The following DNAH9 variants were observed in gnomAD, a reference collection of about 807,000 sequenced individuals.
DNAH9 encodes dynein axonemal heavy chain 9, also known as DNAH9 variant protein.
DNAH9 carries 345 observed loss-of-function variants against 471.6 expected under a neutral mutation model. That is an observed-to-expected ratio of 0.73 (90% CI 0.67 to 0.80). The LOEUF is 0.80. DNAH9 is among the 30% of genes least tolerant of loss of function. The pLI, the probability that DNAH9 is intolerant of heterozygous loss-of-function variation, is 0.00. For missense variants in DNAH9, 5,407 were observed against 5,609.2 expected (o/e 0.96, Z 1.15); for synonymous variants, 2,093 against 2,123.6 (o/e 0.99, Z 0.40).
In DNAH9 at chr17:11,942,200, A is replaced by G. The variant is rs577086361; in HGVS notation, c.12661-103A>G. ...CCATGTCAGTGGGTGGAGGGGCAGC[A>G]GACGATGGGTGATTGGCATCTCTAG... On this transcript the variant is annotated intron_variant, in intron 66 of 68. Transcript: ENST00000262442. 11 of 1,462,212 alleles carry G rather than the reference A, an allele frequency of 7.5e-6. No individual in the cohort carries two copies. The African/African-American group carries it at 1.4e-4, about 19-fold the overall frequency. 90.6% of individuals were successfully genotyped at this position (1,462,212 alleles called of 1,614,324 possible).
intron 61 of DNAH9, among the ~76,000 whole-genome samples, chr17:11,912,334 T>A (rs1973818882): frequency 6.6e-6 from 1 of 152,226 alleles, no homozygotes; most frequent in African/African-American, 2.4e-5. Flanking sequence ...GGCTAGAATT[T>A]CCAGTACACT....
intron 52 of DNAH9, among the ~76,000 whole-genome samples, chr17:11,872,400 A>T (rs1972303456): frequency 1.5e-5 from 2 of 131,672 alleles, no homozygotes; most frequent in South Asian, 5.5e-4. Context: ...CTAAATGGAG[A>T]AATACTGGTT....
At chr17:11,916,652 C>T (rs1973968180) in intron 61 of DNAH9, among the ~76,000 whole-genome samples, 1 of 152,220 alleles carries the variant, frequency 6.6e-6, no homozygotes, top group South Asian at 2.1e-4. Flanking sequence ...GTGTATCACA[C>T]AGTTCACTGT....
At chr17:11,845,519 C>T (rs1332712764) in intron 49 of DNAH9, among the ~76,000 whole-genome samples, 3 of 149,996 alleles carry the variant, frequency 2.0e-5, no homozygotes, top group Admixed American at 6.6e-5. Flanking sequence ...GGCTATATAC[C>T]CAGTAATGGG....
chr17:11,798,373 C>T (rs149275283), intron 43 of DNAH9, among the ~76,000 whole-genome samples: 2,801 of 133,102 alleles, frequency 0.021, 82 homozygotes, highest in African/African-American at 0.074. Flanking sequence ...GCCCAGGTTG[C>T]AGTGGGCCAA....
At chr17:11,865,935 A>C (rs1488969416) in intron 50 of DNAH9, among the ~76,000 whole-genome samples, 3 of 152,072 alleles carry the variant, frequency 2.0e-5, no homozygotes, top group Non-Finnish European at 4.4e-5. Context: ...ATTTGTTTCA[A>C]AGTTTTTAAC....
intron 4 of DNAH9, 193 bp downstream of exon 4, chr17:11,611,973 T>C (rs2072648048): frequency 1.6e-6 from 1 of 630,660 alleles, no homozygotes; most frequent in Admixed American, 2.6e-5. Context: ...CTGTTTGCAG[T>C]TCCACTGCTG....
intron 26 of DNAH9, among the ~76,000 whole-genome samples, chr17:11,715,307 A>G (rs1016015809): frequency 6.6e-6 from 1 of 152,172 alleles, no homozygotes; most frequent in East Asian, 1.9e-4. Context: ...TAGTATCCTC[A>G]TAAGACCCTG....
At chr17:11,918,391 C>T (rs888166233) in intron 61 of DNAH9, among the ~76,000 whole-genome samples, 8 of 151,936 alleles carry the variant, frequency 5.3e-5, no homozygotes, top group African/African-American at 1.2e-4. Context: ...CCACTATGCC[C>T]GGCTAATTTT....
Position 11,874,895 on chromosome 17 carries a change from G to A in DNAH9, c.10243-54G>A, listed in dbSNP as rs1371031749. On this transcript the variant is annotated intron_variant, in intron 52 of 68. Coordinates refer to ENST00000262442, the MANE Select transcript of DNAH9 (RefSeq NM_001372.4). ...TTGGTGAGTAACTGCATTCATCCCA[G>A]CTGAGAATGTCTGCTTCTGTTCTGA... is the stretch of plus-strand genomic sequence containing the variant. The A allele has an allele frequency of 6.0e-6, 8 of 1,344,490 alleles. No homozygotes were observed. In the East Asian group the frequency reaches 1.6e-4, roughly 27 times the overall value. The allele number at this position is 1,344,490 out of a possible 1,614,324, so 83.3% of individuals were successfully genotyped here. A position where few individuals can be genotyped will look rare whatever the true frequency, so the allele number is the denominator to read the frequency against.
intron 32 of DNAH9, among the ~76,000 whole-genome samples, chr17:11,752,496 C>T (rs868571058): frequency 6.6e-6 from 1 of 152,052 alleles, no homozygotes; most frequent in Non-Finnish European, 1.5e-5. Context: ...GAAACCGCGT[C>T]TCTACTAAAA....
intron 50 of DNAH9, among the ~76,000 whole-genome samples, chr17:11,860,763 G>C (rs1971815122): frequency 6.6e-6 from 1 of 152,068 alleles, no homozygotes; most frequent in Non-Finnish European, 1.5e-5. Context: ...GTTTTTCCAT[G>C]TTAGTCAGGC....
chr17:11,636,009 G>GTT (rs920955597), intron 8 of DNAH9, among the ~76,000 whole-genome samples: 1 of 148,966 alleles, frequency 6.7e-6, no homozygotes, highest in African/African-American at 2.5e-5. Flanking sequence ...TGTTTGTTTG[G>GTT]TTTTTTTTTG....
chr17:11,936,973 T>G (rs1355358335), intron 65 of DNAH9, among the ~76,000 whole-genome samples: 2 of 152,152 alleles, frequency 1.3e-5, no homozygotes, highest in African/African-American at 4.8e-5. Flanking sequence ...CTAGAAGAGC[T>G]TACGTAAAAT....
rs74643183 is a variant in DNAH9 at position 11,952,025 on chromosome 17, A to C, written c.12843+9540A>C. On this transcript the variant is annotated intron_variant, in intron 67 of 68. Coordinates refer to ENST00000262442, the MANE Select transcript of DNAH9 (RefSeq NM_001372.4). ...TGTGATCTTATTAGCACAGATACAGAATGTCTTTGCCATCACAGGAAGCTC... is the reference window on the plus strand; with the variant it reads ...TGTGATCTTATTAGCACAGATACAGCATGTCTTTGCCATCACAGGAAGCTC... Among the ~76,000 whole-genome samples, 44 of 152,194 alleles carry C rather than the reference A, an allele frequency of 2.9e-4. No homozygotes were observed. In the East Asian group the frequency reaches 8.1e-3, roughly 28 times the overall value.
rs183042280 is a variant in DNAH9, at chr17:11,869,939, G to A, written c.10053+686G>A. 1.7e-4 allele frequency among the ~76,000 whole-genome samples: 26 copies of A among 152,294 alleles called. No homozygotes were observed. The East Asian group carries it at 1.9e-3, about 11-fold the overall frequency. The stretch of plus-strand genomic sequence containing the variant: ...CACTTGGTACATTCAGCTGGTGGCC[G>A]GGCTGGAGGCCCCCGAGATGACTTC... On this transcript the variant is annotated intron_variant, in intron 51 of 68. Transcript: ENST00000262442.
intron 61 of DNAH9, 70 bp from the exon 62 acceptor site, chr17:11,923,744 T>A: frequency 6.3e-7 from 1 of 1,584,428 alleles, no homozygotes; most frequent in Non-Finnish European, 8.6e-7. Context: ...GCGTGTGCAT[T>A]TCCTTATGAA....
At chr17:11,642,944 G>C (rs1311203184) in intron 10 of DNAH9, among the ~76,000 whole-genome samples, 1 of 152,198 alleles carries the variant, frequency 6.6e-6, no homozygotes, top group Admixed American at 6.5e-5. Context: ...CTCTGCAGGC[G>C]CTAGGGCTTC....
intron 19 of DNAH9, among the ~76,000 whole-genome samples, chr17:11,686,336 A>G (rs1166832542): frequency 3.9e-5 from 6 of 152,100 alleles, no homozygotes. Flanking sequence ...TATTCATCCA[A>G]GCTTTCCAGG....
Sources: gnomAD v4.1 joint callset for allele counts (sites outside exome capture counted in the v4.1 genomes callset) on GRCh38, gnomAD v4.1.1 for gene constraint, MANE v1.5 for transcripts, NCBI Gene and HGNC (gene_info 2026-07-23, HGNC 2026-07-21) for gene names.